SEMA5A: variants seen among roughly 807,000 people sequenced by gnomAD.
SEMA5A encodes semaphorin-5A.
A neutral mutation model predicts 135.5 loss-of-function variants in SEMA5A; 55 were observed. That is an observed-to-expected ratio of 0.41 (90% CI 0.33 to 0.51). The LOEUF (loss-of-function observed/expected upper bound fraction) is 0.51. SEMA5A is among the 20% of genes least tolerant of loss of function. SEMA5A has a pLI of 0.37. For missense variants in SEMA5A, 1,290 were observed against 1,419.9 expected (o/e 0.91, Z 1.47); for synonymous variants, 580 against 546.5 (o/e 1.06, Z -0.85).
At chr5:9,420,673 G>A (rs999294999) in intron 2 of SEMA5A, among the ~76,000 whole-genome samples, 1 of 152,114 alleles carries the variant, frequency 6.6e-6, no homozygotes, top group African/African-American at 2.4e-5. Flanking sequence ...CTCTCTGACA[G>A]TCTTACTTGT....
intron 2 of SEMA5A, among the ~76,000 whole-genome samples, chr5:9,415,547 T>A (rs550339865): frequency 3.3e-5 from 5 of 152,222 alleles, no homozygotes; most frequent in Non-Finnish European, 5.9e-5. Flanking sequence ...TAACATCAAT[T>A]GCATCAAAAT....
intron 2 of SEMA5A, among the ~76,000 whole-genome samples, chr5:9,421,713 T>C (rs1230020442): frequency 2.6e-5 from 4 of 152,220 alleles, no homozygotes; most frequent in African/African-American, 9.6e-5. Context: ...TCTCTCTTTT[T>C]GGCCAGTCAG....
intron 11 of SEMA5A, among the ~76,000 whole-genome samples, chr5:9,162,967 C>A (rs942967998): frequency 6.6e-6 from 1 of 152,126 alleles, no homozygotes; most frequent in African/African-American, 2.4e-5. Flanking sequence ...GAGACATATG[C>A]AATCCCTATA....
chr5:9,337,902 T>C (rs1181987820), intron 3 of SEMA5A, 90 bp from the exon 4 acceptor site: 1 of 869,610 alleles, frequency 1.1e-6, no homozygotes, highest in Non-Finnish European at 1.8e-6. Context: ...TAGCAGACGT[T>C]ACATTTCAGA....
intron 5 of SEMA5A, among the ~76,000 whole-genome samples, chr5:9,292,975 G>A (rs1477992231): frequency 6.6e-6 from 1 of 152,220 alleles, no homozygotes; most frequent in Non-Finnish European, 1.5e-5. Context: ...GTGTGCAGGT[G>A]CAGAAACCCT....
intron 3 of SEMA5A, among the ~76,000 whole-genome samples, chr5:9,356,530 G>A (rs1413970501): frequency 1.3e-5 from 2 of 152,158 alleles, no homozygotes; most frequent in African/African-American, 2.4e-5. Context: ...AAGTGCAAGC[G>A]GAAAAGAACC....
At chr5:9,357,008 C>T (rs1442327578) in intron 3 of SEMA5A, among the ~76,000 whole-genome samples, 1 of 152,164 alleles carries the variant, frequency 6.6e-6, no homozygotes, top group Non-Finnish European at 1.5e-5. Context: ...ACATAGAGAA[C>T]CCATTCCTTC....
chr5:9,543,252 G>A (rs1341859256), intron 1 of SEMA5A, among the ~76,000 whole-genome samples: 3 of 152,132 alleles, frequency 2.0e-5, no homozygotes, highest in Non-Finnish European at 4.4e-5. Context: ...ATCCATGGAC[G>A]GGGCTTCAGA....
chr5:9,117,304 G>T (rs1409468584), intron 15 of SEMA5A, among the ~76,000 whole-genome samples: 1 of 152,202 alleles, frequency 6.6e-6, no homozygotes, highest in Admixed American at 6.5e-5. Context: ...TGCTAAGTTT[G>T]TGGTGGTGCC....
intron 16 of SEMA5A, among the ~76,000 whole-genome samples, chr5:9,083,586 TCATCCATCCATC>T (rs60509063): frequency 1.1e-3 from 51 of 45,062 alleles, no homozygotes; most frequent in African/African-American, 1.9e-3. Context: ...ATTCATCCAT[TCATCCATCCATC>T]CATCCATCCA....
chr5:9,190,568 T>C, intron 10 of SEMA5A, 97 bp from the exon 11 acceptor site: 3 of 1,090,118 alleles, frequency 2.8e-6, no homozygotes, highest in East Asian at 4.9e-5. Flanking sequence ...GGAAATCAAG[T>C]AAGCCACAAT....
intron 17 of SEMA5A, among the ~76,000 whole-genome samples, chr5:9,063,888 C>T (rs934603033): frequency 1.3e-5 from 2 of 152,112 alleles, no homozygotes; most frequent in Non-Finnish European, 2.9e-5. Context: ...TGTTAAGTCA[C>T]GTAATTAGCC....
At chr5:9,174,246 G>T (rs1224228485) in intron 11 of SEMA5A, among the ~76,000 whole-genome samples, 10 of 152,188 alleles carry the variant, frequency 6.6e-5, no homozygotes, top group African/African-American at 1.9e-4. Context: ...GTGTTAATTT[G>T]CTGGGAGATT....
intron 11 of SEMA5A, among the ~76,000 whole-genome samples, chr5:9,162,052 C>T (rs961854432): frequency 1.3e-5 from 2 of 152,198 alleles, no homozygotes; most frequent in African/African-American, 4.8e-5. Flanking sequence ...ATTTCAGAAA[C>T]TTATTGATGG....
At chr5:9,202,349 C>G in intron 8 of SEMA5A, 109 bp from the exon 9 acceptor site, 1 of 1,160,324 alleles carries the variant, frequency 8.6e-7, no homozygotes. Context: ...TTAGATAACA[C>G]CTGGTTCCTA....
chr5:9,307,743 T>C (rs1168514557), intron 5 of SEMA5A, among the ~76,000 whole-genome samples: 2 of 152,132 alleles, frequency 1.3e-5, no homozygotes, highest in South Asian at 2.1e-4. Flanking sequence ...ATGGCACTTA[T>C]GGGGGCCATT....
intron 2 of SEMA5A, among the ~76,000 whole-genome samples, chr5:9,421,403 G>A (rs889449603): frequency 6.6e-6 from 1 of 152,176 alleles, no homozygotes; most frequent in Non-Finnish European, 1.5e-5. Flanking sequence ...TTTTGGGAGA[G>A]AGGAAAGGAA....
chr5:9,286,261 T>C (rs1383873224), intron 5 of SEMA5A, among the ~76,000 whole-genome samples: 1 of 152,330 alleles, frequency 6.6e-6, no homozygotes, highest in African/African-American at 2.4e-5. Context: ...TAATATGCCA[T>C]GTGTATTATA....
chr5:9,240,061 G>A (rs993140067), intron 5 of SEMA5A, among the ~76,000 whole-genome samples: 1 of 151,962 alleles, frequency 6.6e-6, no homozygotes. Flanking sequence ...GAAAATAAGA[G>A]AAGAAAGAAT....
Sources: gnomAD v4.1 joint callset for allele counts (sites outside exome capture counted in the v4.1 genomes callset) on GRCh38, gnomAD v4.1.1 for gene constraint, MANE v1.5 for transcripts, NCBI Gene and HGNC (gene_info 2026-07-23, HGNC 2026-07-21) for gene names.